The following WDR59 variants were observed in gnomAD, a reference collection of about 807,000 sequenced individuals.
The protein encoded by WDR59 is GATOR2 complex protein WDR59.
A neutral mutation model predicts 131.2 loss-of-function variants in WDR59; 100 were observed. The ratio of observed to expected loss-of-function variants is 0.76; its 90% confidence interval spans 0.65 to 0.90. The LOEUF (loss-of-function observed/expected upper bound fraction) is 0.90, where lower values mean the gene tolerates loss of function less well. WDR59 is among the 40% of genes least tolerant of loss of function. WDR59 has a pLI of 0.00. For synonymous variants in WDR59, 601 were observed against 466.2 expected (o/e 1.29, Z -3.72); for missense variants, 1,203 against 1,262.2 (o/e 0.95, Z 0.71).
chr16:74,953,046 C>G lies in WDR59; in HGVS notation c.241-1503G>C, dbSNP rs941261489. ...CTCTGACCTCTCCCAGCACACGACA[C>G]AGCGGGTATCATCACCCACATTATA... On this transcript the variant is annotated intron_variant, in intron 3 of 25. Transcript: ENST00000262144. 2.0e-5 allele frequency among the ~76,000 whole-genome samples: 3 copies of G among 152,244 alleles called. No individual in the cohort carries two copies. The Middle Eastern group carries it at 0.01, about 518-fold the overall frequency.
rs1964067416 is a variant in WDR59 at position 74,873,731 on chromosome 16, A to G, written c.*478T>C. ...GTCATATTTTAGAAGGCCACTGTCC[A>G]TCAGCTCAGTAAATGTACCAGCTTC... is the stretch of plus-strand genomic sequence containing the variant. On this transcript the variant is annotated 3_prime_UTR_variant, in exon 26 of 26. Transcript: ENST00000262144. 2 of 156,208 alleles carry G rather than the reference A, an allele frequency of 1.3e-5. No homozygotes were observed. The allele number at this position is 156,208 out of a possible 1,614,324, so 9.7% of individuals were successfully genotyped here.
intron 25 of WDR59, among the ~76,000 whole-genome samples, chr16:74,876,840 T>C (rs1261684318): frequency 6.6e-6 from 1 of 152,140 alleles, no homozygotes; most frequent in African/African-American, 2.4e-5. Flanking sequence ...TCTCACCACT[T>C]CAGGGCATAC....
In WDR59 at chr16:74,900,217, A is replaced by G. The variant is rs529666996; in HGVS notation, c.1866+3730T>C. Among the ~76,000 whole-genome samples, 7 of 152,132 alleles carry G rather than the reference A, an allele frequency of 4.6e-5. No homozygotes were observed. The South Asian group carries it at 8.3e-4, about 18-fold the overall frequency. ...ACATTCTTGAATAGGCTCAATACCA[A>G]ATTTTTTCTGGTAAGTGTTTGGGGG... On this transcript the variant is annotated intron_variant, in intron 18 of 25. Coordinates refer to ENST00000262144, the MANE Select transcript of WDR59 (RefSeq NM_030581.4).
Position 74,915,713 on chromosome 16 carries a change from C to A in WDR59, c.1224+157G>T, listed in dbSNP as rs908035956. 6.5e-6 allele frequency: 7 copies of A among 1,071,386 alleles called. No homozygotes were observed. In the African/African-American group the frequency reaches 1.1e-4, roughly 17 times the overall value. 66.4% of individuals were successfully genotyped at this position (1,071,386 alleles called of 1,614,324 possible). ...TGCTGGGATTACAGGCGTGAGCCAC[C>A]GCGCCTGGCCAGAAAACCCAGGAAA... On this transcript the variant is annotated intron_variant, in intron 13 of 25. Transcript: ENST00000262144.
rs1375611171 is a variant in WDR59 at position 74,891,087 on chromosome 16, TG to T, written c.2083-1273del. ...CGAGATCACGCCCTGCACTCCAGCC[TG>T]GGCGACAGAGCGAGACTCTGTCTCA... On this transcript the variant is annotated intron_variant, in intron 20 of 25. Coordinates refer to ENST00000262144, the MANE Select transcript of WDR59 (RefSeq NM_030581.4). Among the ~76,000 whole-genome samples the T allele has an allele frequency of 4.4e-5, 6 of 134,992 alleles. No individual in the cohort carries two copies. The Admixed American group carries it at 5.2e-4, about 12-fold the overall frequency. The allele number at this position is 134,992 out of a possible 152,430, so 88.6% of individuals were successfully genotyped here.
At chr16:74,874,491 G>A (rs1486759352) in intron 25 of WDR59, 47 bp from the exon 26 acceptor site, 2 of 1,570,364 alleles carry the variant, frequency 1.3e-6, no homozygotes, top group East Asian at 2.3e-5. Flanking sequence ...CATGAGTTTA[G>A]TTCTGAAAAA....
At chr16:74,936,188 G>A (rs1313568954) in intron 8 of WDR59, among the ~76,000 whole-genome samples, 1 of 151,952 alleles carries the variant, frequency 6.6e-6, no homozygotes, top group African/African-American at 2.4e-5. Context: ...GACCACCCTT[G>A]GTACATTCTG....
At chr16:74,906,520 G>T (rs1567706246) in intron 17 of WDR59, among the ~76,000 whole-genome samples, 2 of 151,922 alleles carry the variant, frequency 1.3e-5, no homozygotes, top group African/African-American at 2.4e-5. Flanking sequence ...GATGACTGAG[G>T]AATTCTGCTC....
intron 1 of WDR59, among the ~76,000 whole-genome samples, chr16:74,971,398 T>G (rs1191414177): frequency 1.3e-5 from 2 of 151,320 alleles, no homozygotes; most frequent in African/African-American, 4.9e-5. Context: ...TGTAAAATTT[T>G]CATCAGTTTT....
At position 74,942,738 on chromosome 16, in the gene WDR59, C is replaced by T. The variant is rs777793609; in HGVS notation, c.534G>A (p.Arg178=). ...HDGDVRIWDK[R]KPSTAVEYLA... is the part of the protein sequence containing the mutation. ...AAGGGCGAAAAAAGAGATTACTCACCCTCTTATCCCATATCCGCACATCGC... is the reference window on the plus strand; with the variant it reads ...AAGGGCGAAAAAAGAGATTACTCACTCTCTTATCCCATATCCGCACATCGC... Residue 178 remains arginine (R), a splice_region_variant and synonymous_variant, in exon 7 of 26, where the codon AGG becomes AGA. Coordinates refer to ENST00000262144, the MANE Select transcript of WDR59 (RefSeq NM_030581.4). 17 of 1,613,692 alleles carry T rather than the reference C, an allele frequency of 1.1e-5. No individual in the cohort carries two copies. In the African/African-American group the frequency reaches 1.9e-4, roughly 18 times the overall value.
chr16:74,943,056 G>A (rs937930552), intron 6 of WDR59, among the ~76,000 whole-genome samples: 3 of 152,078 alleles, frequency 2.0e-5, no homozygotes, highest in African/African-American at 4.8e-5. Context: ...TAATCTCAGG[G>A]GAAAAAATCT....
intron 3 of WDR59, among the ~76,000 whole-genome samples, chr16:74,952,021 T>C (rs2033030993): frequency 6.6e-6 from 1 of 151,888 alleles, no homozygotes; most frequent in African/African-American, 2.4e-5. Flanking sequence ...GGATCTACAT[T>C]GCCCACGCTT....
intron 2 of WDR59, among the ~76,000 whole-genome samples, chr16:74,961,557 G>C (rs2033569155): frequency 6.6e-6 from 1 of 152,144 alleles, no homozygotes; most frequent in African/African-American, 2.4e-5. Context: ...GTAATGATGA[G>C]CTTTTTTTCA....
intron 4 of WDR59, among the ~76,000 whole-genome samples, chr16:74,951,118 C>G (rs1024484009): frequency 6.8e-6 from 1 of 146,500 alleles, no homozygotes; most frequent in Non-Finnish European, 1.5e-5. Context: ...CAAGATCGCA[C>G]CATTGCACTC....
chr16:74,891,878 C>G (rs914602549), intron 20 of WDR59, among the ~76,000 whole-genome samples: 4 of 152,034 alleles, frequency 2.6e-5, no homozygotes, highest in African/African-American at 2.4e-5. Context: ...GAGCTGAGAT[C>G]GTGCCACTGC....
At chr16:74,890,631 T>C (rs187915111) in intron 20 of WDR59, among the ~76,000 whole-genome samples, 3 of 152,204 alleles carry the variant, frequency 2.0e-5, no homozygotes, top group East Asian at 3.9e-4. Flanking sequence ...ATAATAACAA[T>C]AGGCCAAGAC....
rs375286206 is a variant in WDR59 at position 74,958,827 on chromosome 16, C to T, written c.105-2217G>A. 3.0e-5 allele frequency among the ~76,000 whole-genome samples: 4 copies of T among 134,662 alleles called. No individual in the cohort carries two copies. In the South Asian group the frequency reaches 8.6e-4, roughly 29 times the overall value. 88.3% of individuals were successfully genotyped at this position (134,662 alleles called of 152,430 possible). A position where few individuals can be genotyped will look rare whatever the true frequency, so the allele number is the denominator to read the frequency against. Reference sequence around the variant, plus strand: ...CCTATAATCCCAGCACTGTGGGAGGCCGAGGCGGATGGATCACCTGAGGTC... The same window carrying T: ...CCTATAATCCCAGCACTGTGGGAGGTCGAGGCGGATGGATCACCTGAGGTC... On this transcript the variant is annotated intron_variant, in intron 2 of 25. Transcript: ENST00000262144.
chr16:74,930,907 A>C (rs1456696628), intron 8 of WDR59: 2 of 151,036 alleles, frequency 1.3e-5, no homozygotes, highest in Non-Finnish European at 2.9e-5. Flanking sequence ...AAAAAAAAAA[A>C]AAAAAAACAG....
intron 6 of WDR59, among the ~76,000 whole-genome samples, chr16:74,946,498 G>C (rs955965114): frequency 6.6e-6 from 1 of 152,234 alleles, no homozygotes; most frequent in East Asian, 1.9e-4. Context: ...GAGGCAGGCA[G>C]ATCACTTGAG....
Sources: allele counts gnomAD v4.1 joint callset (sites outside exome capture counted in the v4.1 genomes callset), GRCh38; gene constraint gnomAD v4.1.1; transcripts MANE v1.5; gene names NCBI Gene and HGNC (gene_info 2026-07-23, HGNC 2026-07-21).